The following DPYD variants were observed in gnomAD, a reference collection of about 807,000 sequenced individuals.
DPYD encodes dihydropyrimidine dehydrogenase [NADP(+)].
DPYD carries 109 observed loss-of-function variants against 116.2 expected under a neutral mutation model. The ratio of observed to expected loss-of-function variants is 0.94; its 90% CI spans 0.80 to 1.10. The LOEUF (loss-of-function observed/expected upper bound fraction) is 1.10. Ranked by LOEUF, DPYD falls within the 50% of genes least tolerant of loss-of-function variation. The pLI, the probability that DPYD is intolerant of heterozygous loss-of-function variation, is 0.00. For missense variants in DPYD, 1,302 were observed against 1,254.5 expected (o/e 1.04, Z -0.57); for synonymous variants, 440 against 432.0 (o/e 1.02, Z -0.23).
At chr1:97,116,216 T>C (rs1422308609) in intron 20 of DPYD, among the ~76,000 whole-genome samples, 2 of 152,194 alleles carry the variant, frequency 1.3e-5, no homozygotes, top group East Asian at 1.9e-4. Context: ...CAATGTTTGC[T>C]GAGCACCTAC....
At chr1:97,583,186 G>A (rs1001771551) in intron 10 of DPYD, among the ~76,000 whole-genome samples, 7 of 152,094 alleles carry the variant, frequency 4.6e-5, no homozygotes, top group Non-Finnish European at 8.8e-5. Flanking sequence ...AGCCAGGATG[G>A]TCTCGAGCTC....
At chr1:97,748,164 A>G (rs1664661633) in intron 3 of DPYD, among the ~76,000 whole-genome samples, 1 of 152,166 alleles carries the variant, frequency 6.6e-6, no homozygotes, top group Admixed American at 6.5e-5. Flanking sequence ...CAGAAGAAGG[A>G]AAAGTTATTT....
chr1:97,483,738 A>G (rs1359357655), intron 13 of DPYD, among the ~76,000 whole-genome samples: 1 of 152,176 alleles, frequency 6.6e-6, no homozygotes, highest in Non-Finnish European at 1.5e-5. Context: ...GGCTCTTATA[A>G]AAAAGGCTGA....
intron 1 of DPYD, among the ~76,000 whole-genome samples, chr1:97,895,423 C>A (rs1673007402): frequency 6.6e-6 from 1 of 151,720 alleles, no homozygotes; most frequent in South Asian, 2.1e-4. Flanking sequence ...AAATGTTTTA[C>A]AAATTAAGTA....
At chr1:97,310,709 A>T (rs990490796) in intron 16 of DPYD, among the ~76,000 whole-genome samples, 9 of 151,928 alleles carry the variant, frequency 5.9e-5, no homozygotes, top group African/African-American at 2.2e-4. Flanking sequence ...AAAAAGGTAG[A>T]CATGGACTTA....
intron 18 of DPYD, among the ~76,000 whole-genome samples, chr1:97,271,264 C>T (rs896938297): frequency 6.6e-6 from 1 of 151,978 alleles, no homozygotes; most frequent in African/African-American, 2.4e-5. Flanking sequence ...AGCTTGTGGA[C>T]ATCATTAACA....
chr1:97,649,971 C>T (rs971416575), intron 8 of DPYD, among the ~76,000 whole-genome samples: 1 of 152,038 alleles, frequency 6.6e-6, no homozygotes, highest in Admixed American at 6.6e-5. Context: ...TGCCATCCAC[C>T]GAGGCCGACA....
chr1:97,771,186 G>T lies in DPYD; in HGVS notation c.234-30707C>A, dbSNP rs183732999. ...TACAAAAAAAAATTAGCCAGTTGTG[G>T]TGGCATGCGCCAGGGGGTAGTGGAG... On this transcript the variant is annotated intron_variant, in intron 3 of 22. Transcript: ENST00000370192. Among the ~76,000 whole-genome samples, 157 of 152,280 alleles carry T rather than the reference G, an allele frequency of 1.0e-3. 1 individual carries two copies. Among genetic ancestry groups the T allele is most frequent in the African/African-American group, 3.5e-3 (145 of 41,566 alleles).
chr1:97,697,731 T>C (rs1247590666), intron 6 of DPYD, among the ~76,000 whole-genome samples: 1 of 152,070 alleles, frequency 6.6e-6, no homozygotes, highest in African/African-American at 2.4e-5. Flanking sequence ...TTAGTACTAA[T>C]TTATATGAAT....
chr1:97,818,885 G>A (rs1279083665), intron 3 of DPYD, among the ~76,000 whole-genome samples: 1 of 151,726 alleles, frequency 6.6e-6, no homozygotes, highest in Non-Finnish European at 1.5e-5. Flanking sequence ...TGTGTATATA[G>A]GTGTATAAAG....
intron 14 of DPYD, among the ~76,000 whole-genome samples, chr1:97,406,744 C>T (rs12403187): frequency 0.012 from 1,878 of 152,192 alleles, 17 homozygotes; most frequent in Admixed American, 0.017. Flanking sequence ...TATTTTTATG[C>T]CTATAAGTCA....
intron 11 of DPYD, among the ~76,000 whole-genome samples, chr1:97,555,337 T>C (rs1325167738): frequency 6.6e-6 from 1 of 152,102 alleles, no homozygotes; most frequent in African/African-American, 2.4e-5. Context: ...CAATTTCATC[T>C]CTATAAAGAT....
At chr1:97,389,262 T>C (rs527987607) in intron 14 of DPYD, among the ~76,000 whole-genome samples, 55 of 151,218 alleles carry the variant, frequency 3.6e-4, no homozygotes, top group African/African-American at 1.3e-3. Flanking sequence ...TGAGCCATGA[T>C]TGTACCTCTG....
chr1:97,319,497 T>A (rs1668098970), intron 16 of DPYD, among the ~76,000 whole-genome samples: 1 of 134,292 alleles, frequency 7.4e-6, no homozygotes, highest in Non-Finnish European at 1.6e-5. Flanking sequence ...ATGGATACAT[T>A]CCTCGACACA....
At chr1:97,106,784 T>TAAC (rs1557866400) in intron 20 of DPYD, among the ~76,000 whole-genome samples, 1 of 151,960 alleles carries the variant, frequency 6.6e-6, no homozygotes, top group Non-Finnish European at 1.5e-5. Context: ...CTGGCCTCTA[T>TAAC]AACAACGTGA....
At chr1:97,278,512 C>T (rs974146217) in intron 18 of DPYD, among the ~76,000 whole-genome samples, 5 of 152,138 alleles carry the variant, frequency 3.3e-5, no homozygotes, top group Admixed American at 3.3e-4. Flanking sequence ...GTTCTTAACT[C>T]AATGCCTAGA....
intron 14 of DPYD, among the ~76,000 whole-genome samples, chr1:97,441,822 G>A (rs1675812665): frequency 6.6e-6 from 1 of 152,106 alleles, no homozygotes; most frequent in South Asian, 2.1e-4. Context: ...GATCTGGGTT[G>A]CAGTTAAGTT....
chr1:97,571,363 C>CT (rs1181357011), intron 11 of DPYD, among the ~76,000 whole-genome samples: 13 of 151,720 alleles, frequency 8.6e-5, no homozygotes, highest in Non-Finnish European at 1.5e-4. Flanking sequence ...TATTACTACG[C>CT]TTTTTTTTAG....
chr1:97,210,285 T>C (rs1335485356), intron 19 of DPYD, among the ~76,000 whole-genome samples: 2 of 152,128 alleles, frequency 1.3e-5, no homozygotes. Context: ...TATAGACCAT[T>C]TACTTATTTT....
Sources: gnomAD v4.1 joint callset for allele counts (sites outside exome capture counted in the v4.1 genomes callset) on GRCh38, gnomAD v4.1.1 for gene constraint, MANE v1.5 for transcripts, NCBI Gene and HGNC (gene_info 2026-07-23, HGNC 2026-07-21) for gene names.